STAM: variants seen among roughly 807,000 people sequenced by gnomAD.
The protein encoded by STAM is signal transducing adapter molecule 1.
In STAM, 16 loss-of-function variants were observed where a neutral mutation model predicts 63.4. That is an observed-to-expected ratio of 0.25 (90% CI 0.17 to 0.38). STAM has a LOEUF of 0.38. STAM is among the 10% of genes least tolerant of loss of function. The pLI is 1.00. For synonymous variants in STAM, 238 were observed against 223.9 expected, an observed-to-expected ratio of 1.06 and a Z score of -0.56; for missense variants, 636 against 657.1, an observed-to-expected ratio of 0.97 and a Z score of 0.35.
Position 17,695,151 on chromosome 10 carries a change from G to T in STAM, c.638G>T (p.Arg213Leu), listed in dbSNP as rs371026356. ...TTAACTAACCACCAACATGAAGGCCGAAAAGTTCGTGCTATATATGACTTT... is the reference window on the plus strand; with the variant it reads ...TTAACTAACCACCAACATGAAGGCCTAAAAGTTCGTGCTATATATGACTTT... ...SLLTNHQHEG[R>L]KVRAIYDFEA... is the part of the protein sequence containing the mutation. Residue 213 changes from arginine to leucine, a missense_variant, in exon 7 of 14, where the codon CGA becomes CTA. Physicochemically the swap from Arg to Leu is moderately radical, Grantham distance 102. Around this residue, in one of 3 missense-constraint regions of STAM, gnomAD observed 532 missense variants for 536.9 expected, o/e 0.99. Transcript: ENST00000377524. The T allele has an allele frequency of 4.3e-6, 7 of 1,614,036 alleles. No individual in the cohort carries two copies. Among genetic ancestry groups the T allele is most frequent in the Non-Finnish European group, 5.9e-6 (7 of 1,179,966 alleles).
At chr10:17,664,226 C>G (rs888166139) in intron 2 of STAM, among the ~76,000 whole-genome samples, 1 of 152,032 alleles carries the variant, frequency 6.6e-6, no homozygotes, top group Non-Finnish European at 1.5e-5. Context: ...GAGCACTAAA[C>G]TGTGGGATAC....
intron 9 of STAM, 39 bp downstream of exon 9, chr10:17,700,318 A>T: frequency 1.4e-6 from 2 of 1,457,066 alleles, no homozygotes; most frequent in Non-Finnish European, 1.9e-6. Flanking sequence ...GGTACTTTGT[A>T]TTGAAATTTA....
intron 2 of STAM, among the ~76,000 whole-genome samples, chr10:17,681,226 C>T (rs1280398935): frequency 4.6e-5 from 6 of 129,520 alleles, no homozygotes; most frequent in African/African-American, 5.9e-5. Flanking sequence ...AATGTAGGTG[C>T]TTATAGGTAT....
rs148304265 is a variant in STAM at position 17,681,971 on chromosome 10, C to T, written c.126-2704C>T. On this transcript the variant is annotated intron_variant, in intron 2 of 13. Transcript: ENST00000377524. Reference sequence around the variant, plus strand: ...TACCATAAAGCATCCCCATGAAATGCATGTTTGCTACATTCTTGGCCTGTC... The same window carrying T: ...TACCATAAAGCATCCCCATGAAATGTATGTTTGCTACATTCTTGGCCTGTC... 1.4e-4 allele frequency among the ~76,000 whole-genome samples: 21 copies of T among 152,332 alleles called. No homozygotes were observed. The East Asian group carries it at 2.9e-3, about 21-fold the overall frequency.
intron 1 of STAM, among the ~76,000 whole-genome samples, chr10:17,646,206 ATTGACGGTT>A (rs1833514173): frequency 6.6e-6 from 1 of 152,174 alleles, no homozygotes; most frequent in African/African-American, 2.4e-5. Context: ...TAGCAACGTT[ATTGACGGTT>A]TGGGCCAGGT....
chr10:17,659,369 A>G (rs538493584), intron 1 of STAM, among the ~76,000 whole-genome samples: 17 of 152,098 alleles, frequency 1.1e-4, no homozygotes, highest in Admixed American at 1.0e-3. Context: ...ATTATTTAGA[A>G]TAAACTATTT....
chr10:17,652,246 T>A (rs569183242), intron 1 of STAM, among the ~76,000 whole-genome samples: 1 of 150,504 alleles, frequency 6.6e-6, no homozygotes, highest in Non-Finnish European at 1.5e-5. Context: ...ATCCTTCTGA[T>A]TAAAAAAAAA....
chr10:17,708,740 T>G (rs782776127), intron 12 of STAM, 36 bp from the exon 13 acceptor site: 1 of 1,548,614 alleles, frequency 6.5e-7, no homozygotes, highest in South Asian at 1.2e-5. Context: ...TATTAAAATT[T>G]TAGAATTGAA....
intron 6 of STAM, chr10:17,694,786 C>T: frequency 6.8e-6 from 2 of 295,540 alleles, no homozygotes; most frequent in Non-Finnish European, 1.2e-5. Flanking sequence ...TTTTTTATTA[C>T]CCAGAATAAT....
At chr10:17,706,580 C>A (rs1054483655) in intron 12 of STAM, among the ~76,000 whole-genome samples, 14 of 151,956 alleles carry the variant, frequency 9.2e-5, no homozygotes, top group Non-Finnish European at 1.6e-4. Flanking sequence ...GGGGTTTCGC[C>A]GTGTTAGCCA....
intron 5 of STAM, among the ~76,000 whole-genome samples, chr10:17,689,574 T>A (rs1327201698): frequency 6.6e-6 from 1 of 152,232 alleles, no homozygotes. Flanking sequence ...TCAGTATAGT[T>A]TCTAGAATCT....
rs141344302 is a variant in STAM, at chr10:17,666,507, G to A, written c.125+5959G>A. On this transcript the variant is annotated intron_variant, in intron 2 of 13. Transcript: ENST00000377524. The stretch of plus-strand genomic sequence containing the variant: ...CCTGCCGGGTTCACCCCATTCTCCC[G>A]CCTCAGCCTCCTGAGTAGCTGGGAC... 4.8e-3 allele frequency among the ~76,000 whole-genome samples: 690 copies of A among 142,540 alleles called. 6 individuals carry two copies. The highest frequency in any genetic ancestry group is 0.017 in the African/African-American group (666 of 38,618). The allele number at this position is 142,540 out of a possible 152,430, so 93.5% of individuals were successfully genotyped here.
chr10:17,646,090 T>G (rs1833509703), intron 1 of STAM, among the ~76,000 whole-genome samples: 1 of 152,242 alleles, frequency 6.6e-6, no homozygotes, highest in Admixed American at 6.5e-5. Flanking sequence ...CCTACGCTTA[T>G]GCTTTCTTTT....
rs1833431485 is a variant in STAM at position 17,644,305 on chromosome 10, G to A, written c.-35G>A. ...AGCTCTGACTCCCGTGCTGTCGAGA[G>A]GGAGTCCCCGGGGACACCTCGGCAC... On this transcript the variant is annotated 5_prime_UTR_variant, in exon 1 of 14. Transcript: ENST00000377524. 1.9e-6 allele frequency: 3 copies of A among 1,613,652 alleles called. No individual in the cohort carries two copies. The highest frequency in any genetic ancestry group is 1.7e-4 in the Middle Eastern group (1 of 6,060).
At chr10:17,677,798 G>C (rs1554824818) in intron 2 of STAM, among the ~76,000 whole-genome samples, 4 of 152,156 alleles carry the variant, frequency 2.6e-5, no homozygotes. Context: ...CTCACAGGCA[G>C]TTGAGCATCC....
At chr10:17,656,392 G>A (rs1349232504) in intron 1 of STAM, among the ~76,000 whole-genome samples, 1 of 151,734 alleles carries the variant, frequency 6.6e-6, no homozygotes, top group African/African-American at 2.4e-5. Flanking sequence ...TTCTGATCAT[G>A]TGGTTAGGTC....
At chr10:17,708,101 A>G (rs1165497337) in intron 12 of STAM, among the ~76,000 whole-genome samples, 1 of 152,164 alleles carries the variant, frequency 6.6e-6, no homozygotes, top group Non-Finnish European at 1.5e-5. Context: ...TGTGTTAGCC[A>G]GGATGGTCTC....
chr10:17,688,205 C>T (rs1311548387), intron 5 of STAM, 32 bp downstream of exon 5: 13 of 1,441,574 alleles, frequency 9.0e-6, no homozygotes, highest in Non-Finnish European at 1.1e-5. Flanking sequence ...GTGTGTGCTA[C>T]AGTTTGTTTC....
chr10:17,704,826 G>A (rs1554829005), intron 10 of STAM, 144 bp from the exon 11 acceptor site: 1 of 694,690 alleles, frequency 1.4e-6, no homozygotes, highest in East Asian at 2.8e-5. Context: ...TCAATTTTGG[G>A]TTCTGTAGAC....
Sources: gnomAD v4.1 joint callset for allele counts (sites outside exome capture counted in the v4.1 genomes callset) on GRCh38, gnomAD v4.1.1 for gene constraint, gnomAD v4.1.1 regional missense constraint, MANE v1.5 for transcripts, NCBI Gene and HGNC (gene_info 2026-07-23, HGNC 2026-07-21) for gene names.